The following LRRIQ1 variants were observed in gnomAD, a reference collection of about 807,000 sequenced individuals.
LRRIQ1 encodes leucine rich repeats and IQ motif containing 1.
In LRRIQ1, 210 loss-of-function variants were observed where a neutral mutation model predicts 211.9. The ratio of observed to expected loss-of-function variants is 0.99; its 90% CI spans 0.89 to 1.11. The LOEUF is 1.11. Ranked by LOEUF, LRRIQ1 falls within the 50% of genes most tolerant of loss-of-function variation. The pLI is 0.00. For missense variants in LRRIQ1, 2,136 were observed against 1,939.5 expected, an observed-to-expected ratio of 1.10 and a Z score of -1.90; for synonymous variants, 699 against 650.1, an observed-to-expected ratio of 1.08 and a Z score of -1.14.
chr12:85,163,146 C>T lies in LRRIQ1; in HGVS notation c.4822+2432C>T, dbSNP rs542129700. Among the ~76,000 whole-genome samples, 5 of 152,242 alleles carry T rather than the reference C, an allele frequency of 3.3e-5. No individual in the cohort carries two copies. The South Asian group carries it at 1.0e-3, about 32-fold the overall frequency. The stretch of plus-strand genomic sequence containing the variant: ...GAAATATCCCAACTTACCCCTACTG[C>T]CCAGTAGAGAGTGCCTCCTGAACCC... On this transcript the variant is annotated intron_variant, in intron 24 of 26. Coordinates refer to ENST00000393217, the MANE Select transcript of LRRIQ1 (RefSeq NM_001079910.2).
At chr12:85,249,248 A>G (rs1210373268), downstream of LRRIQ1, among the ~76,000 whole-genome samples, 1 of 151,828 alleles carries the variant, frequency 6.6e-6, no homozygotes, top group East Asian at 1.9e-4. Context: ...GATTCCAAAG[A>G]TGGATATTGA....
chr12:85,235,448 A>C (rs1489108260), intron 26 of LRRIQ1, among the ~76,000 whole-genome samples: 2 of 152,188 alleles, frequency 1.3e-5, no homozygotes, highest in African/African-American at 4.8e-5. Flanking sequence ...GGTGACCTTC[A>C]ATAGAGATGC....
chr12:85,216,156 T>A (rs1894067649), intron 24 of LRRIQ1, among the ~76,000 whole-genome samples: 1 of 152,184 alleles, frequency 6.6e-6, no homozygotes, highest in South Asian at 2.1e-4. Flanking sequence ...TTTCTCCTAA[T>A]GCTATCCCTC....
intron 15 of LRRIQ1, among the ~76,000 whole-genome samples, chr12:85,115,568 A>G (rs1473333332): frequency 1.3e-5 from 2 of 152,196 alleles, no homozygotes; most frequent in East Asian, 1.9e-4. Flanking sequence ...TAACGTAAAA[A>G]TTCAACCTCT....
chr12:85,207,188 C>T (rs914841379), intron 24 of LRRIQ1, among the ~76,000 whole-genome samples: 1 of 152,108 alleles, frequency 6.6e-6, no homozygotes, highest in Non-Finnish European at 1.5e-5. Flanking sequence ...AATCCCAGTA[C>T]ACAGTAGCCT....
chr12:85,255,317 A>G (rs1459779886), intron 1 of LRRIQ1, among the ~76,000 whole-genome samples: 3 of 151,868 alleles, frequency 2.0e-5, no homozygotes, highest in African/African-American at 7.2e-5. Flanking sequence ...CTCTTCTAAT[A>G]AAATAATTGC....
At position 85,189,841 on chromosome 12, in the gene LRRIQ1, T is replaced by G. The variant is rs1318625510; in HGVS notation, c.4822+29127T>G. Among the ~76,000 whole-genome samples, 5 of 145,380 alleles carry G rather than the reference T, an allele frequency of 3.4e-5. No individual in the cohort carries two copies. In the East Asian group the frequency reaches 7.9e-4, roughly 23 times the overall value. On this transcript the variant is annotated intron_variant, in intron 24 of 26. Transcript: ENST00000393217. ...AATATAAATAATAATTAAATATTAT[T>G]GAATTATATATTATAATTTATATAT...
At chr12:85,040,438 T>C in intron 2 of LRRIQ1, 52 bp from the exon 3 acceptor site, 1 of 1,141,574 alleles carries the variant, frequency 8.8e-7, no homozygotes, top group East Asian at 2.5e-5. Flanking sequence ...ATTTGACACA[T>C]AATTTTGATA....
intron 3 of LRRIQ1, among the ~76,000 whole-genome samples, chr12:85,044,441 T>G (rs1190025973): frequency 6.6e-6 from 1 of 152,064 alleles, no homozygotes; most frequent in East Asian, 1.9e-4. Flanking sequence ...CCAGGCATGA[T>G]CCTTTTTGCC....
At chr12:85,109,985 T>C (rs1273901351) in intron 15 of LRRIQ1, among the ~76,000 whole-genome samples, 1 of 152,126 alleles carries the variant, frequency 6.6e-6, no homozygotes, top group East Asian at 1.9e-4. Flanking sequence ...TTTATGTCTC[T>C]GAATCCCCAG....
chr12:85,216,080 G>A (rs959473832), intron 24 of LRRIQ1, among the ~76,000 whole-genome samples: 2 of 152,100 alleles, frequency 1.3e-5, no homozygotes, highest in East Asian at 1.9e-4. Context: ...GTGCAGGTTC[G>A]TTACATAAAT....
intron 15 of LRRIQ1, among the ~76,000 whole-genome samples, chr12:85,115,704 G>A (rs1298871796): frequency 6.6e-6 from 1 of 151,958 alleles, no homozygotes; most frequent in East Asian, 1.9e-4. Context: ...TGCTGATCTG[G>A]TATCAGTTTC....
At chr12:85,245,731 A>G (rs1258288658), downstream of LRRIQ1, among the ~76,000 whole-genome samples, 1 of 150,988 alleles carries the variant, frequency 6.6e-6, no homozygotes, top group Non-Finnish European at 1.5e-5. Flanking sequence ...TTAGTATAAA[A>G]GATATTTTGC....
chr12:85,266,194 C>T (rs1436195303), downstream of LRRIQ1, among the ~76,000 whole-genome samples: 1 of 151,988 alleles, frequency 6.6e-6, no homozygotes, highest in African/African-American at 2.4e-5. Context: ...GACTTGTAAT[C>T]TATTTCATAT....
intron 24 of LRRIQ1, among the ~76,000 whole-genome samples, chr12:85,174,587 A>C (rs1281252303): frequency 1.3e-5 from 2 of 151,206 alleles, no homozygotes; most frequent in Non-Finnish European, 2.9e-5. Context: ...CTTTAGTCCC[A>C]GCTACTTGGG....
intron 24 of LRRIQ1, among the ~76,000 whole-genome samples, chr12:85,217,746 T>A (rs1238519785): frequency 9.4e-6 from 1 of 105,984 alleles, no homozygotes; most frequent in East Asian, 2.0e-4. Context: ...ATATGTAATG[T>A]GTGTGTATAT....
chr12:85,050,056 G>A (rs917402804), intron 6 of LRRIQ1, among the ~76,000 whole-genome samples: 1 of 152,058 alleles, frequency 6.6e-6, no homozygotes, highest in African/African-American at 2.4e-5. Flanking sequence ...TTTTAAAAGT[G>A]GCACACACTT....
At chr12:85,233,242 A>T (rs542894456) in intron 26 of LRRIQ1, among the ~76,000 whole-genome samples, 2 of 152,086 alleles carry the variant, frequency 1.3e-5, no homozygotes, top group African/African-American at 4.8e-5. Flanking sequence ...TAAAGACGCT[A>T]TGCAGTATAA....
At chr12:85,152,787 T>C (rs1238440264) in intron 20 of LRRIQ1, among the ~76,000 whole-genome samples, 1 of 151,640 alleles carries the variant, frequency 6.6e-6, no homozygotes, top group Non-Finnish European at 1.5e-5. Context: ...TCTGAGATTT[T>C]TAAAGATCTT....
Sources: gnomAD v4.1 joint callset for allele counts (sites outside exome capture counted in the v4.1 genomes callset) on GRCh38, gnomAD v4.1.1 for gene constraint, MANE v1.5 for transcripts, NCBI Gene and HGNC (gene_info 2026-07-23, HGNC 2026-07-21) for gene names.